The following OR3A2 variants were observed in gnomAD, a reference collection of about 807,000 sequenced individuals.
OR3A2 encodes the protein olfactory receptor 3A2.
For synonymous variants in OR3A2, 126 were observed against 159.3 expected, an observed-to-expected ratio of 0.79 and a Z score of 1.57; for missense variants, 318 against 392.8, an observed-to-expected ratio of 0.81 and a Z score of 1.61.
intron 2 of OR3A2, among the ~76,000 whole-genome samples, chr17:3,336,911 C>T (rs1421450481): frequency 2.0e-5 from 3 of 152,212 alleles, no homozygotes; most frequent in African/African-American, 7.2e-5. Context: ...TTTAGCTCCT[C>T]TTCAGAAAGA....
intron 3 of OR3A2, among the ~76,000 whole-genome samples, chr17:3,331,559 G>C (rs1195662153): frequency 4.6e-5 from 7 of 151,788 alleles, no homozygotes; most frequent in Non-Finnish European, 1.0e-4. Flanking sequence ...TTGGTTTTCA[G>C]CTCCATCAGC....
At chr17:3,332,442 C>A (rs531564957) in intron 3 of OR3A2, among the ~76,000 whole-genome samples, 10 of 152,212 alleles carry the variant, frequency 6.6e-5, no homozygotes, top group Non-Finnish European at 1.3e-4. Context: ...GCGCAATATT[C>A]GGGTGGGAGT....
intron 2 of OR3A2, among the ~76,000 whole-genome samples, chr17:3,370,645 T>TTA (rs34474825): frequency 5.9e-5 from 9 of 151,702 alleles, no homozygotes; most frequent in Non-Finnish European, 1.3e-4. Context: ...TTTTTTTTTT[T>TTA]ATTGTTCATT....
chr17:3,297,446 C>T (rs1417326093), intron 3 of OR3A2, among the ~76,000 whole-genome samples: 30 of 147,762 alleles, frequency 2.0e-4, no homozygotes. Context: ...TCTGGAACAT[C>T]CTCTAACTAA....
At chr17:3,333,716 G>A (rs1207665563) in intron 3 of OR3A2, among the ~76,000 whole-genome samples, 1 of 151,998 alleles carries the variant, frequency 6.6e-6, no homozygotes, top group Non-Finnish European at 1.5e-5. Context: ...TGACAAAAAT[G>A]CCAAAAGCAA....
chr17:3,341,203 G>T (rs1229229876), intron 2 of OR3A2, among the ~76,000 whole-genome samples: 1 of 152,114 alleles, frequency 6.6e-6, no homozygotes, highest in East Asian at 1.9e-4. Context: ...ACACTGATGG[G>T]TCTTGACTCT....
chr17:3,363,050 G>A (rs746085381), intron 2 of OR3A2, among the ~76,000 whole-genome samples: 1 of 151,764 alleles, frequency 6.6e-6, no homozygotes, highest in Non-Finnish European at 1.5e-5. Flanking sequence ...TCCCTCTTAG[G>A]CCTCTGGGCC....
chr17:3,293,166 A>AG (rs1555525058), intron 3 of OR3A2, among the ~76,000 whole-genome samples: 1 of 150,834 alleles, frequency 6.6e-6, no homozygotes, highest in East Asian at 2.0e-4. Context: ...AAAAAAAAAA[A>AG]GGGTGGGTAG....
chr17:3,284,444 G>C (rs1299850850), upstream of OR3A2: 1 of 151,614 alleles, frequency 6.6e-6, no homozygotes, highest in African/African-American at 2.4e-5. Context: ...CGGAGAGCGA[G>C]TGAGGGGCTA....
At chr17:3,327,794 C>T (rs1303291582) in intron 3 of OR3A2, among the ~76,000 whole-genome samples, 46 of 138,558 alleles carry the variant, frequency 3.3e-4, no homozygotes, top group South Asian at 7.6e-4. Context: ...GTTTTCCCAG[C>T]ACCATTTATT....
chr17:3,355,428 T>TTCTCTCTCTCTCTCTC (rs3037631), intron 2 of OR3A2, among the ~76,000 whole-genome samples: 4 of 139,662 alleles, frequency 2.9e-5, no homozygotes, highest in African/African-American at 8.7e-5. Flanking sequence ...ATGTTGGCAT[T>TTCTCTCTCTCTCTCTC]TCTCTCTCTC....
intron 3 of OR3A2, chr17:3,292,445 G>T: frequency 1.2e-6 from 2 of 1,613,952 alleles, no homozygotes; most frequent in Non-Finnish European, 1.7e-6. Flanking sequence ...CCAGGATGCT[G>T]AGGTTGCCCC....
intron 2 of OR3A2, among the ~76,000 whole-genome samples, chr17:3,380,518 CTCA>C (rs1261514771): frequency 6.6e-6 from 1 of 152,204 alleles, no homozygotes; most frequent in African/African-American, 2.4e-5. Context: ...CTTTGTCTTA[CTCA>C]TCTCCGAATG....
chr17:3,380,870 A>G (rs1052086096), intron 2 of OR3A2, among the ~76,000 whole-genome samples: 2 of 152,128 alleles, frequency 1.3e-5, no homozygotes, highest in Admixed American at 1.3e-4. Flanking sequence ...GACTTGAGGC[A>G]AGAGAGAGCG....
intron 3 of OR3A2, among the ~76,000 whole-genome samples, chr17:3,306,773 GTGTAAGAGAAAGA>G (rs2049003938): frequency 9.5e-6 from 1 of 105,332 alleles, no homozygotes; most frequent in African/African-American, 6.4e-5. Context: ...GACATTGTTA[GTGTAAGAGAAAGA>G]CTAAGAACCA....
chr17:3,373,546 GTCTC>G (rs1331308735), intron 2 of OR3A2, among the ~76,000 whole-genome samples: 3 of 152,034 alleles, frequency 2.0e-5, no homozygotes, highest in African/African-American at 4.8e-5. Flanking sequence ...ATTATATAAT[GTCTC>G]TCTTTGTCTT....
At chr17:3,380,959 T>C (rs1273234350) in intron 2 of OR3A2, among the ~76,000 whole-genome samples, 3 of 152,190 alleles carry the variant, frequency 2.0e-5, no homozygotes, top group African/African-American at 4.8e-5. Flanking sequence ...GGAGCATCTA[T>C]TGAGGTTTTA....
Position 3,351,637 on chromosome 17 carries a change from C to T in OR3A2, c.-178-15511G>A, listed in dbSNP as rs1224317909. 2.9e-5 allele frequency among the ~76,000 whole-genome samples: 4 copies of T among 139,410 alleles called. No individual in the cohort carries two copies. In the Admixed American group the frequency reaches 3.0e-4, roughly 10 times the overall value. 91.5% of individuals were successfully genotyped at this position (139,410 alleles called of 152,430 possible). The stretch of plus-strand genomic sequence containing the variant: ...GTAATTTATAGATTCAATGCCATCC[C>T]CATCAAGCTACCAATGACTTTCTTC... On this transcript the variant is annotated intron_variant, in intron 2 of 4. Transcript: ENST00000573491.
chr17:3,370,589 T>A (rs547115900), intron 2 of OR3A2, among the ~76,000 whole-genome samples: 1 of 152,212 alleles, frequency 6.6e-6, no homozygotes, highest in Non-Finnish European at 1.5e-5. Flanking sequence ...CTTGTTTCTC[T>A]AGTTCCTTAA....
Sources: allele counts gnomAD v4.1 joint callset (sites outside exome capture counted in the v4.1 genomes callset), GRCh38; gene constraint gnomAD v4.1.1; transcripts MANE v1.5; gene names NCBI Gene and HGNC (gene_info 2026-07-23, HGNC 2026-07-21).